The following RALGDS variants were observed in gnomAD, a reference collection of about 807,000 sequenced individuals.
The protein encoded by RALGDS is ral guanine nucleotide dissociation stimulator.
A neutral mutation model predicts 99.8 loss-of-function variants in RALGDS; 44 were observed. That is an observed-to-expected ratio of 0.44 (90% CI 0.35 to 0.57). The LOEUF (loss-of-function observed/expected upper bound fraction) is 0.57, where lower values mean the gene tolerates loss of function less well. RALGDS is among the 20% of genes least tolerant of loss of function. The pLI is 0.01. For missense variants in RALGDS, 1,022 were observed against 1,203.1 expected (o/e 0.85, Z 2.23); for synonymous variants, 529 against 505.0 (o/e 1.05, Z -0.64).
upstream of RALGDS, among the ~76,000 whole-genome samples, chr9:133,124,879 C>G (rs1294552618): frequency 6.6e-6 from 1 of 152,192 alleles, no homozygotes; most frequent in African/African-American, 2.4e-5. Context: ...TCCTCAAAAC[C>G]CAAACCTAAA....
chr9:133,123,508 C>T (rs1832020095), upstream of RALGDS, among the ~76,000 whole-genome samples: 1 of 152,176 alleles, frequency 6.6e-6, no homozygotes, highest in African/African-American at 2.4e-5. Flanking sequence ...GGCTCCCTCC[C>T]ATCTGACTAT....
In RALGDS at chr9:133,119,545, C is replaced by A. The variant is rs369935974; in HGVS notation, c.183+1427G>T. Reference sequence around the variant, plus strand: ...CTCAGCTCTGCCTCTCCCTCAGTTCCTCAGGGACGGAGAGAGGGAACCTGC... The same window carrying A: ...CTCAGCTCTGCCTCTCCCTCAGTTCATCAGGGACGGAGAGAGGGAACCTGC... On this transcript the variant is annotated intron_variant, in intron 1 of 17. Transcript: ENST00000372050. 2.8e-4 allele frequency among the ~76,000 whole-genome samples: 43 copies of A among 152,278 alleles called. No individual in the cohort carries two copies. In the South Asian group the frequency reaches 8.7e-3, roughly 31 times the overall value.
rs79988928 is a variant in RALGDS, at chr9:133,136,337, C to T, written c.18+12626G>A. 8.0e-3 allele frequency among the ~76,000 whole-genome samples: 1,225 copies of T among 152,306 alleles called. 13 individuals are homozygous for T. The highest frequency in any genetic ancestry group is 0.027 in the African/African-American group (1,107 of 41,564). ...GCGCGGGTATGGATGGAAGGAGGGA[C>T]ATTAAAACATTTCACCTTGGCCGGG... On this transcript the variant is annotated intron_variant, in intron 1 of 17. Coordinates refer to the RALGDS transcript ENST00000393160.
At position 133,112,056 on chromosome 9, in the gene RALGDS, G is replaced by GC; in HGVS notation, c.279dup (p.Gln94AlafsTer7). ...AGCGCACTCACCCCGAGCCAGCGCT[G>GC]CCCCTTGTTGCCTCCGTGGTGCAGC... On this transcript the variant is annotated frameshift_variant, in exon 2 of 18. Transcript: ENST00000372050. LOFTEE classifies it high-confidence loss of function. 6.3e-7 allele frequency: 1 copy of GC among 1,579,278 alleles called. No homozygotes were observed. The highest frequency in any genetic ancestry group is 8.6e-7 in the Non-Finnish European group (1 of 1,161,480).
intron 1 of RALGDS, among the ~76,000 whole-genome samples, chr9:133,136,498 G>A (rs1319363892): frequency 1.3e-5 from 2 of 152,110 alleles, no homozygotes; most frequent in African/African-American, 4.8e-5. Context: ...AAACTAGCTC[G>A]GGTGCGGTGG....
chr9:133,126,072 G>A (rs898309795), upstream of RALGDS, among the ~76,000 whole-genome samples: 4 of 152,184 alleles, frequency 2.6e-5, no homozygotes, highest in Non-Finnish European at 4.4e-5. Context: ...CTTGGCGGTT[G>A]GAGCCTCTGC....
chr9:133,104,261 A>ACCG lies in RALGDS; in HGVS notation c.1670_1671+1dup. The ACCG allele has an allele frequency of 2.5e-6, 4 of 1,612,888 alleles. No homozygotes were observed. The highest frequency in any genetic ancestry group is 3.4e-6 in the Non-Finnish European group (4 of 1,179,082). On this transcript the variant is annotated splice_donor_variant, in intron 10 of 17. Transcript: ENST00000372050. LOFTEE classifies it high-confidence loss of function. ...CCCCTCCGCGGCCTTGGGCACTCTCACCGTCTCCTTCGGCCGTTTCTGGGC... is the reference window on the plus strand; with the variant it reads ...CCCCTCCGCGGCCTTGGGCACTCTCACCGCCGTCTCCTTCGGCCGTTTCTGGGC...
chr9:133,142,707 C>T (rs1246050238), intron 1 of RALGDS, among the ~76,000 whole-genome samples: 1 of 152,180 alleles, frequency 6.6e-6, no homozygotes, highest in African/African-American at 2.4e-5. Context: ...AATGCAAAGC[C>T]CAGAGTCCAA....
chr9:133,133,036 T>G (rs1337944383), upstream of RALGDS, among the ~76,000 whole-genome samples: 1 of 152,168 alleles, frequency 6.6e-6, no homozygotes, highest in Non-Finnish European at 1.5e-5. Flanking sequence ...TGCCTTTGCT[T>G]GGACAAGCAG....
At chr9:133,145,601 TCACAGCCACCCTGGGAGCTGG>T (rs1832611007) in intron 1 of RALGDS, among the ~76,000 whole-genome samples, 1 of 152,166 alleles carries the variant, frequency 6.6e-6, no homozygotes, top group Non-Finnish European at 1.5e-5. Flanking sequence ...TTCCAGGTAC[TCACAGCCACCCTGGGAGCTGG>T]GACAGCCAAC....
chr9:133,105,544 G>T (rs1253665363), intron 9 of RALGDS, among the ~76,000 whole-genome samples: 1 of 151,972 alleles, frequency 6.6e-6, no homozygotes, highest in Non-Finnish European at 1.5e-5. Flanking sequence ...CAGAGGTAGC[G>T]TCAGGAGCCT....
intron 1 of RALGDS, among the ~76,000 whole-genome samples, chr9:133,148,232 G>T (rs761845246): frequency 6.6e-6 from 1 of 152,200 alleles, no homozygotes. Flanking sequence ...GGAATTTGAG[G>T]CTTCCTTTCC....
At chr9:133,131,974 G>A (rs888161325), upstream of RALGDS, among the ~76,000 whole-genome samples, 4 of 152,142 alleles carry the variant, frequency 2.6e-5, no homozygotes, top group African/African-American at 4.8e-5. Flanking sequence ...GGTGCCAAAG[G>A]GTTACATGCC....
At chr9:133,102,966 G>A (rs145656310) in intron 12 of RALGDS, 66 bp from the exon 13 acceptor site, 2 of 1,599,494 alleles carry the variant, frequency 1.3e-6, no homozygotes, top group East Asian at 2.2e-5. Context: ...CCAGTCTCTG[G>A]GTCTTTGTTC....
intron 1 of RALGDS, among the ~76,000 whole-genome samples, chr9:133,147,842 C>G (rs6597602): frequency 3.6e-4 from 54 of 152,054 alleles, no homozygotes; most frequent in Admixed American, 1.9e-3. Flanking sequence ...TAATTCAAGG[C>G]GCCTCAGAAG....
intron 9 of RALGDS, among the ~76,000 whole-genome samples, chr9:133,105,574 G>A (rs1186378011): frequency 2.0e-5 from 3 of 152,080 alleles, no homozygotes; most frequent in South Asian, 2.1e-4. Flanking sequence ...GGGACAGACT[G>A]GGCCGGTGTG....
intron 1 of RALGDS, among the ~76,000 whole-genome samples, chr9:133,137,011 G>T (rs940881513): frequency 6.6e-6 from 1 of 152,008 alleles, no homozygotes; most frequent in Non-Finnish European, 1.5e-5. Context: ...GAGGCGGGCG[G>T]ATCACTTGAG....
At chr9:133,135,408 C>G (rs1406403142), upstream of RALGDS, among the ~76,000 whole-genome samples, 1 of 152,234 alleles carries the variant, frequency 6.6e-6, no homozygotes, top group Non-Finnish European at 1.5e-5. Flanking sequence ...CCCCTATTAC[C>G]AGCCCACTGA....
At chr9:133,118,399 C>T (rs1831727900) in intron 1 of RALGDS, among the ~76,000 whole-genome samples, 1 of 152,196 alleles carries the variant, frequency 6.6e-6, no homozygotes. Flanking sequence ...CACTCCAGCC[C>T]ACCTGCAACT....
Sources: gnomAD v4.1 joint callset for allele counts (sites outside exome capture counted in the v4.1 genomes callset) on GRCh38, gnomAD v4.1.1 for gene constraint, MANE v1.5 for transcripts, NCBI Gene and HGNC (gene_info 2026-07-23, HGNC 2026-07-21) for gene names.